The following GCA variants were observed in gnomAD, a reference collection of about 807,000 sequenced individuals.
The protein encoded by GCA is grancalcin.
A neutral mutation model predicts 32.6 loss-of-function variants in GCA; 30 were observed. That is an observed-to-expected ratio of 0.92 (90% CI 0.69 to 1.25). GCA has a LOEUF of 1.25. GCA is among the 50% of genes most tolerant of loss of function. GCA has a pLI of 0.00. For missense variants in GCA, 291 were observed against 266.8 expected, an observed-to-expected ratio of 1.09 and a Z score of -0.63; for synonymous variants, 102 against 84.6, an observed-to-expected ratio of 1.21 and a Z score of -1.13.
intron 1 of GCA, among the ~76,000 whole-genome samples, chr2:162,322,410 TTTATTTA>T (rs1683704918): frequency 1.4e-5 from 2 of 143,740 alleles, no homozygotes; most frequent in Admixed American, 1.5e-4. Flanking sequence ...TATTTATTTA[TTTATTTA>T]TTATTATACT....
At chr2:162,365,973 A>G (rs1005792019), downstream of GCA, among the ~76,000 whole-genome samples, 2 of 151,686 alleles carry the variant, frequency 1.3e-5, no homozygotes, top group African/African-American at 4.8e-5. Context: ...TCCAAACAAT[A>G]TATGTCAGTA....
chr2:162,330,194 A>G (rs567464548), intron 1 of GCA, among the ~76,000 whole-genome samples: 6 of 152,274 alleles, frequency 3.9e-5, no homozygotes, highest in African/African-American at 1.4e-4. Flanking sequence ...ATACCCAGTA[A>G]TGGGATTGCT....
At chr2:162,350,181 C>T (rs1354739577) in intron 2 of GCA, among the ~76,000 whole-genome samples, 2 of 152,146 alleles carry the variant, frequency 1.3e-5, no homozygotes, top group Non-Finnish European at 2.9e-5. Context: ...AATCTTTCTA[C>T]CCCAAATGAA....
Position 162,360,811 on chromosome 2 carries a change from G to T in GCA, c.*568G>T. On this transcript the variant is annotated 3_prime_UTR_variant, in exon 8 of 8. Coordinates refer to ENST00000437150, the MANE Select transcript of GCA (RefSeq NM_012198.5). ...TTATCTCCCTAGTTCAATCTGTAGT[G>T]AAATAAGACTACAGAAGGCATTGTT... 1 of 1,259,430 alleles carries T rather than the reference G, an allele frequency of 7.9e-7. No individual in the cohort carries two copies. The highest frequency in any genetic ancestry group is 1.0e-6 in the Non-Finnish European group (1 of 984,172). The allele number at this position is 1,259,430 out of a possible 1,614,324, so 78.0% of individuals were successfully genotyped here. A position where few individuals can be genotyped will look rare whatever the true frequency, so the allele number is the denominator to read the frequency against.
intron 1 of GCA, among the ~76,000 whole-genome samples, chr2:162,325,442 T>G (rs1315366553): frequency 6.6e-6 from 1 of 152,142 alleles, no homozygotes; most frequent in Non-Finnish European, 1.5e-5. Context: ...AGTAATAAAT[T>G]TATCCATTAG....
At chr2:162,374,784 G>A (rs1686102517), downstream of GCA, among the ~76,000 whole-genome samples, 1 of 151,776 alleles carries the variant, frequency 6.6e-6, no homozygotes, top group South Asian at 2.1e-4. Flanking sequence ...CATTATTCTT[G>A]CAGTTTTTCT....
At chr2:162,350,194 A>C (rs1157656726) in intron 2 of GCA, among the ~76,000 whole-genome samples, 1 of 152,164 alleles carries the variant, frequency 6.6e-6, no homozygotes, top group Non-Finnish European at 1.5e-5. Context: ...CAAATGAAAA[A>C]AGCCTTACTG....
intron 1 of GCA, among the ~76,000 whole-genome samples, chr2:162,334,432 A>C (rs566261943): frequency 3.9e-5 from 6 of 152,298 alleles, no homozygotes; most frequent in African/African-American, 1.4e-4. Context: ...TTCAGAAAAA[A>C]ATCATTTAAA....
chr2:162,373,406 G>A (rs1047314038), downstream of GCA: 2 of 1,169,376 alleles, frequency 1.7e-6, no homozygotes, highest in East Asian at 5.7e-5. Context: ...AAGTGATTCT[G>A]ATTAGGTGAC....
upstream of GCA, chr2:162,344,054 G>T: frequency 1.6e-6 from 1 of 626,346 alleles, no homozygotes; most frequent in Admixed American, 2.6e-5. Flanking sequence ...CAAAGTGTGG[G>T]ACTCAGCCAA....
upstream of GCA, among the ~76,000 whole-genome samples, chr2:162,342,977 C>G (rs928668979): frequency 6.6e-6 from 1 of 152,210 alleles, no homozygotes; most frequent in South Asian, 2.1e-4. Flanking sequence ...AAGGAACTTA[C>G]AGACACTTTC....
rs1360747134 is a variant in GCA, at chr2:162,371,253, G to A, written c.366-53G>A. On this transcript the variant is annotated intron_variant, in intron 4 of 4. Transcript: ENST00000414723. The stretch of plus-strand genomic sequence containing the variant: ...GGCCTATGTTTAGTTTTTGGATATG[G>A]CTTCCTATACTGTCAGAGGTTTACA... The A allele has an allele frequency of 1.1e-5, 10 of 942,008 alleles. No individual in the cohort carries two copies. The East Asian group carries it at 3.7e-4, about 35-fold the overall frequency. 58.4% of individuals were successfully genotyped at this position (942,008 alleles called of 1,614,324 possible).
At chr2:162,322,161 T>C (rs2105250058) in intron 1 of GCA, among the ~76,000 whole-genome samples, 1 of 150,276 alleles carries the variant, frequency 6.7e-6, no homozygotes, top group South Asian at 2.1e-4. Context: ...CTTTCACCAA[T>C]TCAATTAAAA....
chr2:162,344,401 C>A, intron 1 of GCA, 126 bp downstream of exon 1: 1 of 887,766 alleles, frequency 1.1e-6, no homozygotes, highest in South Asian at 1.5e-5. Context: ...CTCGGCGGCG[C>A]CGGATTCCGG....
chr2:162,343,645 C>T (rs1684522290), upstream of GCA, among the ~76,000 whole-genome samples: 1 of 152,170 alleles, frequency 6.6e-6, no homozygotes, highest in African/African-American at 2.4e-5. Context: ...TCCTGGACCA[C>T]AGGTGTGGTC....
rs1685299505 is a variant in GCA, at chr2:162,356,818, G to T, written c.367G>T (p.Ala123Ser). Residue 123 changes from alanine to serine, a missense_variant, in exon 5 of 8, where the codon GCC becomes TCC. Transcript: ENST00000437150. ...AFKELWAALN[A>S]WKENFMTVDQ... ...CAAAGAGCTATGGGCAGCTCTTAAT[G>T]CCTGGAAGGAAAACTTCATGACTGT... is the stretch of plus-strand genomic sequence containing the variant. 5 of 1,608,486 alleles carry T rather than the reference G, an allele frequency of 3.1e-6. No individual in the cohort carries two copies. The East Asian group carries it at 6.7e-5, about 22-fold the overall frequency.
At chr2:162,353,634 G>A (rs972773627) in intron 3 of GCA, among the ~76,000 whole-genome samples, 1 of 152,096 alleles carries the variant, frequency 6.6e-6, no homozygotes, top group Non-Finnish European at 1.5e-5. Context: ...AGCGTCCCTT[G>A]TTGCATTATC....
chr2:162,344,161 C>T lies in GCA; in HGVS notation c.-88C>T. Reference sequence around the variant, plus strand: ...CGCCTTTCAGCCTCACCTGCAGCTGCGCCTCCTTGCACCTGCGCCTGTGCT... The same window carrying T: ...CGCCTTTCAGCCTCACCTGCAGCTGTGCCTCCTTGCACCTGCGCCTGTGCT... On this transcript the variant is annotated 5_prime_UTR_variant, in exon 1 of 8. Transcript: ENST00000437150. The T allele has an allele frequency of 1.4e-6, 2 of 1,415,558 alleles. No homozygotes were observed. The highest frequency in any genetic ancestry group is 2.0e-6 in the Non-Finnish European group (2 of 1,002,968). The allele number at this position is 1,415,558 out of a possible 1,614,324, so 87.7% of individuals were successfully genotyped here.
intron 2 of GCA, among the ~76,000 whole-genome samples, chr2:162,350,432 C>G (rs775127872): frequency 6.6e-6 from 1 of 152,104 alleles, no homozygotes; most frequent in Non-Finnish European, 1.5e-5. Flanking sequence ...ACAATAAACC[C>G]CTATTGGTTT....
Sources: gnomAD v4.1 joint callset for allele counts (sites outside exome capture counted in the v4.1 genomes callset) on GRCh38, gnomAD v4.1.1 for gene constraint, MANE v1.5 for transcripts, NCBI Gene and HGNC (gene_info 2026-07-23, HGNC 2026-07-21) for gene names.